Variants in ZNF727 observed in about 807,000 individuals in gnomAD.
The protein encoded by ZNF727 is putative zinc finger protein 727.
Under a neutral mutation model 11.5 loss-of-function variants are expected in ZNF727, and 11 were observed. That is an observed-to-expected ratio of 0.95 (90% confidence interval 0.60 to 1.58). ZNF727 has a LOEUF of 1.58. Ranked by LOEUF, ZNF727 falls within the 40% of genes most tolerant of loss-of-function variation. The pLI, the probability that ZNF727 is intolerant of heterozygous loss-of-function variation, is 0.00. For synonymous variants in ZNF727, 171 were observed against 196.1 expected (o/e 0.87, Z 1.07); for missense variants, 533 against 581.7 (o/e 0.92, Z 0.86).
Position 64,078,271 on chromosome 7 carries a change from T to C in ZNF727, c.1222T>C (p.Ser408Pro). ...AGAATGTGGCAAAAGCTTTACCTGC[T>C]CCTCAAACCTTATTAAACACAAGAG... ...CEECGKSFTC[S>P]SNLIKHKRIH... Residue 408 changes from serine to proline, a missense_variant, in exon 4 of 4, where the codon TCC (serine) becomes CCC (proline). This residue lies in a region of ZNF727 where 463 missense variants were observed against 494.5 expected (regional missense o/e 0.94). Transcript: ENST00000456806. The C allele has an allele frequency of 6.3e-7, 1 of 1,599,264 alleles. No individual in the cohort carries two copies. Among genetic ancestry groups the C allele is most frequent in the South Asian group, 1.1e-5 (1 of 89,378 alleles).
In ZNF727 at chr7:64,069,597, G is replaced by A. The variant is rs1789927814; in HGVS notation, c.214G>A (p.Ala72Thr). The change falls in exon 3 of 4, where the codon GCC becomes ACC. Residue 72 changes from alanine (A) to threonine (T), a missense_variant. Physicochemically the swap from Ala to Thr is moderately conservative, Grantham distance 58 (BLOSUM62 0). This residue lies in a region of ZNF727 where 463 missense variants were observed against 494.5 expected (regional missense o/e 0.94). Coordinates refer to ENST00000456806, the MANE Select transcript of ZNF727 (RefSeq NM_001159522.3). ...PWNARRQKTV[A>T]KHPAGSLHFT... ...GAATGCGAGGAGACAGAAGACAGTA[G>A]CCAAACACCCAGGTAGGTGGGAGTG... The A allele has an allele frequency of 6.4e-7, 1 of 1,561,556 alleles. No individual in the cohort carries two copies. The highest frequency in any genetic ancestry group is 8.7e-7 in the Non-Finnish European group (1 of 1,151,810).
chr7:64,062,228 T>C (rs1381734043), intron 1 of ZNF727, among the ~76,000 whole-genome samples: 1 of 152,056 alleles, frequency 6.6e-6, no homozygotes, highest in Non-Finnish European at 1.5e-5. Flanking sequence ...CATACCATAT[T>C]TACAGTGCTA....
At chr7:64,065,013 C>T (rs1472145055) in intron 1 of ZNF727, among the ~76,000 whole-genome samples, 2 of 152,128 alleles carry the variant, frequency 1.3e-5, no homozygotes, top group African/African-American at 4.8e-5. Flanking sequence ...CCTGTGATCG[C>T]TCCCCAGAGT....
chr7:64,059,757 A>G (rs1206699158), intron 1 of ZNF727, among the ~76,000 whole-genome samples: 8 of 152,256 alleles, frequency 5.3e-5, no homozygotes, highest in Non-Finnish European at 4.4e-5. Flanking sequence ...AATACAAATT[A>G]TAAATACCAG....
At chr7:64,072,996 G>A (rs1220775651) in intron 3 of ZNF727, among the ~76,000 whole-genome samples, 1 of 152,122 alleles carries the variant, frequency 6.6e-6, no homozygotes, top group African/African-American at 2.4e-5. Context: ...GAACCACCAA[G>A]TCTGTCTATT....
chr7:64,050,650 A>C (rs1194808244), intron 1 of ZNF727, among the ~76,000 whole-genome samples: 1 of 152,222 alleles, frequency 6.6e-6, no homozygotes, highest in East Asian at 1.9e-4. Context: ...CAGCAAGAGA[A>C]GAAACAGGCA....
intron 2 of ZNF727, 41 bp from the exon 3 acceptor site, chr7:64,069,473 T>G (rs1218558628): frequency 8.9e-6 from 13 of 1,455,320 alleles, no homozygotes; most frequent in Middle Eastern, 1.7e-4. Context: ...GTAATCAGAT[T>G]ATCCTAGCAA....
intron 1 of ZNF727, among the ~76,000 whole-genome samples, chr7:64,065,286 G>T (rs1470798302): frequency 1.3e-5 from 2 of 152,170 alleles, no homozygotes; most frequent in African/African-American, 2.4e-5. Context: ...TTTGGTAGGG[G>T]CAGGTCACTG....
At chr7:64,063,379 A>G (rs1181543825) in intron 1 of ZNF727, among the ~76,000 whole-genome samples, 1 of 152,194 alleles carries the variant, frequency 6.6e-6, no homozygotes, top group Non-Finnish European at 1.5e-5. Context: ...GCAGACTTGT[A>G]GAGGTACCAC....
chr7:64,071,252 T>G (rs1789957979), intron 3 of ZNF727, among the ~76,000 whole-genome samples: 1 of 152,058 alleles, frequency 6.6e-6, no homozygotes, highest in East Asian at 1.9e-4. Context: ...TTTTTTTTCT[T>G]TAATATATTC....
At chr7:64,067,696 G>A (rs1584150739) in intron 1 of ZNF727, among the ~76,000 whole-genome samples, 2 of 152,014 alleles carry the variant, frequency 1.3e-5, no homozygotes, top group East Asian at 3.9e-4. Context: ...ATGAGAACAT[G>A]TGGACACAGG....
At chr7:64,073,473 A>G (rs190664648) in intron 3 of ZNF727, among the ~76,000 whole-genome samples, 188 of 150,980 alleles carry the variant, frequency 1.2e-3, no homozygotes, top group African/African-American at 4.3e-3. Flanking sequence ...TCTATTTTTG[A>G]GTTATTGAGC....
intron 1 of ZNF727, among the ~76,000 whole-genome samples, chr7:64,066,208 C>T (rs1584149701): frequency 6.6e-6 from 1 of 152,106 alleles, no homozygotes; most frequent in African/African-American, 2.4e-5. Flanking sequence ...GAATCAGTAT[C>T]ATGAAAATGG....
At chr7:64,068,121 A>G (rs993844023) in intron 1 of ZNF727, among the ~76,000 whole-genome samples, 12 of 152,224 alleles carry the variant, frequency 7.9e-5, no homozygotes, top group Non-Finnish European at 1.5e-4. Context: ...TTCTTTTAAT[A>G]TAGTTGATCT....
chr7:64,063,667 G>C (rs1183660163), intron 1 of ZNF727, among the ~76,000 whole-genome samples: 1 of 152,114 alleles, frequency 6.6e-6, no homozygotes, highest in African/African-American at 2.4e-5. Context: ...TCTTCAGTCA[G>C]TAGTTGGTGG....
intron 1 of ZNF727, among the ~76,000 whole-genome samples, chr7:64,060,185 T>C (rs1789748658): frequency 1.3e-5 from 2 of 152,232 alleles, no homozygotes; most frequent in South Asian, 4.1e-4. Context: ...TGATTTTTAT[T>C]TCTGCTTTTG....
chr7:64,056,185 G>A (rs1403708072), intron 1 of ZNF727, among the ~76,000 whole-genome samples: 1 of 151,888 alleles, frequency 6.6e-6, no homozygotes, highest in African/African-American at 2.4e-5. Flanking sequence ...GCTAAATCTT[G>A]GTATTTGTTG....
Position 64,077,984 on chromosome 7 carries a change from A to G in ZNF727, c.935A>G (p.Tyr312Cys), listed in dbSNP as rs1294599184. The stretch of plus-strand genomic sequence containing the variant: ...AGAATTCATACTGGAGAGAAACCCT[A>G]CAAATGTAATGAATGTGGAAAAGCT... Reference protein sequence around the residue: ...HKRIHTGEKPYKCNECGKAFM... With the variant: ...HKRIHTGEKPCKCNECGKAFM... The change falls in exon 4 of 4, where the codon TAC becomes TGC. Residue 312 changes from tyrosine to cysteine, a missense_variant. Transcript: ENST00000456806. 1 of 1,600,312 alleles carries G rather than the reference A, an allele frequency of 6.2e-7. No individual in the cohort carries two copies. The highest frequency in any genetic ancestry group is 1.7e-5 in the Admixed American group (1 of 57,558).
chr7:64,066,790 A>G (rs1044998966), intron 1 of ZNF727, among the ~76,000 whole-genome samples: 11 of 152,180 alleles, frequency 7.2e-5, no homozygotes, highest in African/African-American at 2.7e-4. Flanking sequence ...ACAAAAGCCA[A>G]AATTGACAAA....
Sources: gnomAD v4.1 joint callset for allele counts (sites outside exome capture counted in the v4.1 genomes callset) on GRCh38, gnomAD v4.1.1 for gene constraint, gnomAD v4.1.1 regional missense constraint, MANE v1.5 for transcripts, NCBI Gene and HGNC (gene_info 2026-07-23, HGNC 2026-07-21) for gene names.